Variants in ZMAT5 observed in about 807,000 individuals in gnomAD.
ZMAT5 encodes zinc finger matrin-type protein 5.
Under a neutral mutation model 28.0 loss-of-function variants are expected in ZMAT5, and 23 were observed. That is an observed-to-expected ratio of 0.82 (90% CI 0.59 to 1.16). The LOEUF (loss-of-function observed/expected upper bound fraction) is 1.16, where lower values mean the gene tolerates loss of function less well. Ranked by LOEUF, ZMAT5 falls within the 50% of genes most tolerant of loss-of-function variation. The pLI is 0.00. For missense variants in ZMAT5, 173 were observed against 212.7 expected, an observed-to-expected ratio of 0.81 and a Z score of 1.16; for synonymous variants, 76 against 84.1, an observed-to-expected ratio of 0.90 and a Z score of 0.52.
chr22:29,734,758 A>C lies in ZMAT5; in HGVS notation c.384-3404T>G, dbSNP rs148448627. 8.5e-5 allele frequency among the ~76,000 whole-genome samples: 13 copies of C among 152,360 alleles called. No individual in the cohort carries two copies. In the East Asian group the frequency reaches 2.5e-3, roughly 29 times the overall value. On this transcript the variant is annotated intron_variant, in intron 5 of 5. Transcript: ENST00000344318. ...CTGCCGAGTGTCCAGTGGGACCACC[A>C]GTCAGGCCAGAGGCAAGAGGTGAGA...
chr22:29,763,237 G>A (rs1444240706), intron 1 of ZMAT5, among the ~76,000 whole-genome samples: 1 of 151,558 alleles, frequency 6.6e-6, no homozygotes, highest in African/African-American at 2.4e-5. Flanking sequence ...AGGTTGCAGT[G>A]AGCTGAGATT....
Position 29,737,914 on chromosome 22 carries a change from C to T in ZMAT5, c.383+416G>A, listed in dbSNP as rs963494985. Among the ~76,000 whole-genome samples, 9 of 152,190 alleles carry T rather than the reference C, an allele frequency of 5.9e-5. No homozygotes were observed. The East Asian group carries it at 9.7e-4, about 16-fold the overall frequency. ...CCTCGTCATCACGCCTGTGCAATCCCGGCTCTACATTTTCCCGTCTGTGTG... is the reference window on the plus strand; with the variant it reads ...CCTCGTCATCACGCCTGTGCAATCCTGGCTCTACATTTTCCCGTCTGTGTG... On this transcript the variant is annotated intron_variant, in intron 5 of 5. Coordinates refer to ENST00000344318, the MANE Select transcript of ZMAT5 (RefSeq NM_001003692.2).
chr22:29,757,873 C>T (rs577266552), intron 1 of ZMAT5, among the ~76,000 whole-genome samples: 2 of 152,172 alleles, frequency 1.3e-5, no homozygotes, highest in African/African-American at 2.4e-5. Context: ...AAAAAATTAG[C>T]CGGGTGTGGG....
intron 1 of ZMAT5, among the ~76,000 whole-genome samples, chr22:29,764,507 TTTTG>T (rs2147241514): frequency 6.6e-6 from 1 of 152,150 alleles, no homozygotes; most frequent in East Asian, 1.9e-4. Context: ...AATCCCTAGT[TTTTG>T]TTTGTTTTGT....
At chr22:29,747,076 G>C (rs2068014871) in intron 2 of ZMAT5, 1 of 152,120 alleles carries the variant, frequency 6.6e-6, no homozygotes, top group Non-Finnish European at 1.5e-5. Context: ...GAAACACCAT[G>C]CCTAGTCCCC....
chr22:29,745,772 C>T (rs113658834), intron 2 of ZMAT5, among the ~76,000 whole-genome samples: 2,808 of 152,326 alleles, frequency 0.018, 91 homozygotes, highest in African/African-American at 0.065. Flanking sequence ...GCTAAGGGGA[C>T]GTGGCCCAGG....
intron 1 of ZMAT5, among the ~76,000 whole-genome samples, chr22:29,752,844 G>T (rs1416775163): frequency 6.6e-6 from 1 of 152,224 alleles, no homozygotes; most frequent in Non-Finnish European, 1.5e-5. Context: ...CACCAAGCCG[G>T]CAATGCTTTC....
intron 1 of ZMAT5, among the ~76,000 whole-genome samples, chr22:29,760,452 G>C (rs1331810082): frequency 2.0e-5 from 3 of 151,698 alleles, no homozygotes; most frequent in African/African-American, 7.3e-5. Context: ...GCTGAGGCAC[G>C]AGATTGAACC....
chr22:29,752,352 T>C (rs2068062258), intron 1 of ZMAT5, among the ~76,000 whole-genome samples: 1 of 152,156 alleles, frequency 6.6e-6, no homozygotes, highest in African/African-American at 2.4e-5. Context: ...GTGTGGGTGT[T>C]CATGTTTTCC....
chr22:29,753,199 T>C (rs2068069917), intron 1 of ZMAT5, among the ~76,000 whole-genome samples: 1 of 152,246 alleles, frequency 6.6e-6, no homozygotes, highest in Non-Finnish European at 1.5e-5. Flanking sequence ...CTGGCATTTC[T>C]GGCCTTGTTT....
At chr22:29,748,600 A>G (rs1266106999) in intron 1 of ZMAT5, 29 bp from the exon 2 acceptor site, 5 of 1,609,740 alleles carry the variant, frequency 3.1e-6, no homozygotes, top group Non-Finnish European at 3.4e-6. Flanking sequence ...CTCAGATTAG[A>G]CCATTGGAGA....
intron 2 of ZMAT5, chr22:29,746,714 G>C (rs1304521087): frequency 6.6e-6 from 1 of 152,212 alleles, no homozygotes; most frequent in Non-Finnish European, 1.5e-5. Flanking sequence ...AGGAGCCCTG[G>C]GGCACTCCTG....
At chr22:29,764,204 C>A (rs1025076005) in intron 1 of ZMAT5, among the ~76,000 whole-genome samples, 3 of 152,150 alleles carry the variant, frequency 2.0e-5, no homozygotes, top group African/African-American at 7.2e-5. Flanking sequence ...TGTGGTCTTC[C>A]CTACTCATTT....
chr22:29,737,266 T>G (rs1208980740), intron 5 of ZMAT5, among the ~76,000 whole-genome samples: 1 of 151,962 alleles, frequency 6.6e-6, no homozygotes, highest in Non-Finnish European at 1.5e-5. Context: ...AGGCAGAGGT[T>G]GCAGTGAGCT....
At chr22:29,758,494 A>T (rs544669171) in intron 1 of ZMAT5, among the ~76,000 whole-genome samples, 1 of 152,010 alleles carries the variant, frequency 6.6e-6, no homozygotes, top group Admixed American at 6.6e-5. Context: ...GTGGTGATGC[A>T]TGCCTATAGT....
chr22:29,731,121 G>T lies in ZMAT5; in HGVS notation c.*104C>A. The T allele has an allele frequency of 7.9e-7, 1 of 1,271,498 alleles. No individual in the cohort carries two copies. The highest frequency in any genetic ancestry group is 1.0e-6 in the Non-Finnish European group (1 of 960,616). The allele number at this position is 1,271,498 out of a possible 1,614,324, so 78.8% of individuals were successfully genotyped here. A position where few individuals can be genotyped will look rare whatever the true frequency, so the allele number is the denominator to read the frequency against. On this transcript the variant is annotated 3_prime_UTR_variant, in exon 6 of 6. Transcript: ENST00000344318. ...TCCTGAGCCTCAGTGAGGCTGGGCAGATGGTCTCGGAGCCTCCATGGGGCG... is the reference window on the plus strand; with the variant it reads ...TCCTGAGCCTCAGTGAGGCTGGGCATATGGTCTCGGAGCCTCCATGGGGCG...
At chr22:29,734,020 G>A (rs912030130) in intron 5 of ZMAT5, among the ~76,000 whole-genome samples, 2 of 152,196 alleles carry the variant, frequency 1.3e-5, no homozygotes, top group African/African-American at 2.4e-5. Context: ...TTTCCCAGCC[G>A]CGGTCCTAAT....
chr22:29,749,893 C>T (rs905698483), intron 1 of ZMAT5, among the ~76,000 whole-genome samples: 1 of 152,180 alleles, frequency 6.6e-6, no homozygotes, highest in African/African-American at 2.4e-5. Context: ...TCCCTTCTGC[C>T]ATGATTGTAA....
At chr22:29,739,417 C>G (rs1374567673) in intron 4 of ZMAT5, among the ~76,000 whole-genome samples, 1 of 152,064 alleles carries the variant, frequency 6.6e-6, no homozygotes, top group Admixed American at 6.5e-5. Context: ...GGGCCGGGCC[C>G]TGGTCTCTGG....
Sources: gnomAD v4.1 joint callset for allele counts (sites outside exome capture counted in the v4.1 genomes callset) on GRCh38, gnomAD v4.1.1 for gene constraint, MANE v1.5 for transcripts, NCBI Gene and HGNC (gene_info 2026-07-23, HGNC 2026-07-21) for gene names.